AGMO: variants seen among roughly 807,000 people sequenced by gnomAD.
The protein encoded by AGMO is glyceryl-ether monooxygenase.
AGMO carries 75 observed loss-of-function variants against 60.2 expected under a neutral mutation model. That is an observed-to-expected ratio of 1.25 (90% CI 1.03 to 1.51). The LOEUF (loss-of-function observed/expected upper bound fraction) is 1.51. AGMO is among the 40% of genes most tolerant of loss of function. AGMO has a pLI of 0.00. For synonymous variants in AGMO, 261 were observed against 177.1 expected (o/e 1.47, Z -3.76); for missense variants, 763 against 525.5 (o/e 1.45, Z -4.42).
At chr7:15,544,976 T>C in intron 2 of AGMO, 53 bp from the exon 3 acceptor site, 1 of 1,284,912 alleles carries the variant, frequency 7.8e-7, no homozygotes, top group Non-Finnish European at 1.0e-6. Flanking sequence ...GAAAAAAAAT[T>C]ACGCTAAAAT....
chr7:15,536,030 TA>T (rs1784477091), intron 3 of AGMO, among the ~76,000 whole-genome samples: 1 of 151,938 alleles, frequency 6.6e-6, no homozygotes, highest in Admixed American at 6.6e-5. Flanking sequence ...TATGCTGTGT[TA>T]TTAACACAAA....
the AGMO span, among the ~76,000 whole-genome samples, chr7:15,122,627 C>T: frequency 5.3e-5 from 8 of 152,088 alleles, no homozygotes; most frequent in African/African-American, 1.2e-4. Context: ...TCTACCCTTT[C>T]GCTTGCTCAA....
intron 12 of AGMO, among the ~76,000 whole-genome samples, chr7:15,228,664 G>A (rs544653402): frequency 1.3e-5 from 2 of 152,270 alleles, no homozygotes; most frequent in African/African-American, 4.8e-5. Context: ...TATACCAAGA[G>A]ATATAAATGA....
At chr7:15,377,777 A>T (rs1397682442) in intron 10 of AGMO, among the ~76,000 whole-genome samples, 1 of 152,042 alleles carries the variant, frequency 6.6e-6, no homozygotes, top group Non-Finnish European at 1.5e-5. Context: ...TGGGGAGAAC[A>T]TATTAAGTTA....
intron 12 of AGMO, among the ~76,000 whole-genome samples, chr7:15,203,165 C>G (rs996081301): frequency 6.6e-6 from 1 of 152,078 alleles, no homozygotes; most frequent in African/African-American, 2.4e-5. Flanking sequence ...ATAAAGTTTT[C>G]GGAGTATTCT....
Position 15,433,031 on chromosome 7 carries a change from C to A in AGMO, c.410-1923G>T, listed in dbSNP as rs575057147. On this transcript the variant is annotated intron_variant, in intron 3 of 12. Transcript: ENST00000342526. ...TCTTTAGAACATACCCACTGCTGAA[C>A]ATTTTATAACTTATGATTTTATAAC... is the stretch of plus-strand genomic sequence containing the variant. Among the ~76,000 whole-genome samples the A allele has an allele frequency of 7.2e-5, 11 of 152,134 alleles. No homozygotes were observed. The South Asian group carries it at 2.3e-3, about 32-fold the overall frequency.
chr7:15,325,512 A>T (rs1435442507), intron 12 of AGMO, among the ~76,000 whole-genome samples: 1 of 152,154 alleles, frequency 6.6e-6, no homozygotes, highest in Non-Finnish European at 1.5e-5. Context: ...ATCCAAGCTA[A>T]CTGGTGAAGA....
intron 12 of AGMO, among the ~76,000 whole-genome samples, chr7:15,322,742 A>AT: frequency 7.6e-6 from 1 of 130,940 alleles, no homozygotes; most frequent in Non-Finnish European, 1.6e-5. Context: ...ATAAATATAT[A>AT]AATATATATA....
At chr7:15,538,367 G>C (rs1259794142) in intron 3 of AGMO, among the ~76,000 whole-genome samples, 4 of 152,074 alleles carry the variant, frequency 2.6e-5, no homozygotes, top group Admixed American at 2.0e-4. Context: ...TGAGCAGCTA[G>C]AATTGTAGGC....
At chr7:15,278,112 G>A (rs981460049) in intron 12 of AGMO, among the ~76,000 whole-genome samples, 5 of 147,268 alleles carry the variant, frequency 3.4e-5, no homozygotes, top group African/African-American at 1.3e-4. Context: ...GAAAGCCGTG[G>A]AATACATCTG....
chr7:15,214,634 G>C (rs1015579858), intron 12 of AGMO, among the ~76,000 whole-genome samples: 3 of 152,118 alleles, frequency 2.0e-5, no homozygotes, highest in African/African-American at 7.2e-5. Context: ...GAAAAAAATG[G>C]ATGAGGAGCT....
chr7:15,436,969 T>C (rs1002629533), intron 3 of AGMO, among the ~76,000 whole-genome samples: 2 of 152,168 alleles, frequency 1.3e-5, no homozygotes, highest in African/African-American at 2.4e-5. Context: ...TTGAAAACAA[T>C]CATCCCTTTG....
chr7:15,295,074 T>C (rs1784372572), intron 12 of AGMO, among the ~76,000 whole-genome samples: 1 of 151,854 alleles, frequency 6.6e-6, no homozygotes. Flanking sequence ...AACATAATTA[T>C]AATTGCAAAA....
At chr7:15,418,487 C>T in intron 5 of AGMO, 71 bp downstream of exon 5, 1 of 887,668 alleles carries the variant, frequency 1.1e-6, no homozygotes, top group Non-Finnish European at 1.8e-6. Flanking sequence ...AAATCATCTG[C>T]TAGTGGATTT....
intron 10 of AGMO, among the ~76,000 whole-genome samples, chr7:15,376,456 A>C (rs896036006): frequency 6.6e-6 from 1 of 152,102 alleles, no homozygotes; most frequent in African/African-American, 2.4e-5. Context: ...TAGTGCCCAT[A>C]ATGTTTTACA....
intron 3 of AGMO, among the ~76,000 whole-genome samples, chr7:15,468,836 G>T (rs1209246021): frequency 6.6e-6 from 1 of 151,986 alleles, no homozygotes; most frequent in Non-Finnish European, 1.5e-5. Flanking sequence ...ATGATTTTAT[G>T]ATTCAAATTT....
intron 12 of AGMO, among the ~76,000 whole-genome samples, chr7:15,281,886 G>T (rs1783976797): frequency 6.6e-6 from 1 of 152,086 alleles, no homozygotes; most frequent in African/African-American, 2.4e-5. Flanking sequence ...CAGTGAATTT[G>T]CTCATACACC....
intron 12 of AGMO, among the ~76,000 whole-genome samples, chr7:15,357,597 G>C (rs919922501): frequency 4.6e-5 from 7 of 152,180 alleles, no homozygotes; most frequent in African/African-American, 1.7e-4. Context: ...GAGTCTCTGA[G>C]CCTAGGCTTC....
At chr7:15,367,036 G>T (rs1783014699) in intron 10 of AGMO, among the ~76,000 whole-genome samples, 1 of 151,826 alleles carries the variant, frequency 6.6e-6, no homozygotes, top group African/African-American at 2.4e-5. Context: ...TTTTTTTATT[G>T]TTTAAAATTC....
Sources: allele counts gnomAD v4.1 joint callset (sites outside exome capture counted in the v4.1 genomes callset), GRCh38; gene constraint gnomAD v4.1.1; transcripts MANE v1.5; gene names NCBI Gene and HGNC (gene_info 2026-07-23, HGNC 2026-07-21).